Variants in TRIM66 observed in about 807,000 individuals in gnomAD.
TRIM66 encodes tripartite motif-containing protein 66.
A neutral mutation model predicts 148.2 loss-of-function variants in TRIM66; 99 were observed. That is an observed-to-expected ratio of 0.67 (90% CI 0.57 to 0.79). TRIM66 has a LOEUF of 0.79. Ranked by LOEUF, TRIM66 falls within the 30% of genes least tolerant of loss-of-function variation. The pLI is 0.00. For missense variants in TRIM66, 1,666 were observed against 1,697.9 expected, an observed-to-expected ratio of 0.98 and a Z score of 0.33; for synonymous variants, 616 against 635.9, an observed-to-expected ratio of 0.97 and a Z score of 0.47.
intron 1 of TRIM66, among the ~76,000 whole-genome samples, chr11:8,680,283 A>T (rs2039349815): frequency 6.6e-6 from 1 of 152,206 alleles, no homozygotes; most frequent in Non-Finnish European, 1.5e-5. Flanking sequence ...GGTCATAAGG[A>T]GCTACCGAAC....
At chr11:8,668,613 T>A (rs1417705030) in intron 6 of TRIM66, among the ~76,000 whole-genome samples, 3 of 150,306 alleles carry the variant, frequency 2.0e-5, no homozygotes, top group Non-Finnish European at 4.4e-5. Flanking sequence ...TGAGATGGAG[T>A]CTCGCTCTGT....
At chr11:8,678,557 C>T (rs2039285379) in intron 3 of TRIM66, among the ~76,000 whole-genome samples, 1 of 152,146 alleles carries the variant, frequency 6.6e-6, no homozygotes, top group South Asian at 2.1e-4. Flanking sequence ...ATTTTCTTTA[C>T]TGTTGTACTG....
In TRIM66 at chr11:8,616,882, C is replaced by T. The variant is rs943731996; in HGVS notation, c.*1062G>A. The T allele has an allele frequency of 2.0e-5, 3 of 152,176 alleles. No homozygotes were observed. The highest frequency in any genetic ancestry group is 7.2e-5 in the African/African-American group (3 of 41,420). The allele number at this position is 152,176 out of a possible 1,614,324, so 9.4% of individuals were successfully genotyped here. A position where few individuals can be genotyped will look rare whatever the true frequency, so the allele number is the denominator to read the frequency against. ...GCCTGGAGGCGGGCTGGTCAGAAGACTCACTTCTGATCTTTGGCTCATGAA... is the reference window on the plus strand; with the variant it reads ...GCCTGGAGGCGGGCTGGTCAGAAGATTCACTTCTGATCTTTGGCTCATGAA... On this transcript the variant is annotated 3_prime_UTR_variant, in exon 25 of 25. Transcript: ENST00000646038.
chr11:8,624,714 T>A lies in TRIM66; in HGVS notation c.2825A>T (p.Lys942Met), dbSNP rs1481537774. Residue 942 changes from lysine (K) to methionine (M), a missense_variant and splice_region_variant, in exon 16 of 25, where the codon AAG (lysine) becomes ATG (methionine). Coordinates refer to ENST00000646038, the MANE Select transcript of TRIM66 (RefSeq NM_001388022.1). Reference sequence around the variant, plus strand: ...GGATAGCATTTCCCCAGGACTTACCTTACACAGAGCATTCTCCAGGGAGGG... The same window carrying A: ...GGATAGCATTTCCCCAGGACTTACCATACACAGAGCATTCTCCAGGGAGGG... Reference protein sequence around the residue: ...ADPSLENALCKMESEDSTRFT... With the variant: ...ADPSLENALCMMESEDSTRFT... 23 of 1,514,684 alleles carry A rather than the reference T, an allele frequency of 1.5e-5. No individual in the cohort carries two copies. The highest frequency in any genetic ancestry group is 2.0e-5 in the Non-Finnish European group (23 of 1,127,138). The allele number at this position is 1,514,684 out of a possible 1,614,324, so 93.8% of individuals were successfully genotyped here. A position where few individuals can be genotyped will look rare whatever the true frequency, so the allele number is the denominator to read the frequency against.
chr11:8,625,463 T>TTTGTGTGTGTGTGTG (rs1174364345), intron 15 of TRIM66, among the ~76,000 whole-genome samples: 2 of 148,250 alleles, frequency 1.3e-5, no homozygotes, highest in Admixed American at 6.7e-5. Context: ...CGGAGAACTA[T>TTTGTGTGTGTGTGTG]TGTGTGTGTG....
At position 8,625,034 on chromosome 11, in the gene TRIM66, C is replaced by G. The variant is rs1163749784; in HGVS notation, c.2505G>C (p.Gln835His). The G allele has an allele frequency of 6.4e-7, 1 of 1,551,716 alleles. No individual in the cohort carries two copies. The highest frequency in any genetic ancestry group is 2.4e-5 in the East Asian group (1 of 40,916). The part of the protein sequence containing the change: ...MVSSLTSVQN[Q>H]AMPSLTTSHL... Reference sequence around the variant, plus strand: ...GACTGGTTGTCAGGCTGGGCATGGCCTGGTTTTGAACACTTGTCAGGCTGG... The same window carrying G: ...GACTGGTTGTCAGGCTGGGCATGGCGTGGTTTTGAACACTTGTCAGGCTGG... The change falls in exon 16 of 25, where the codon CAG becomes CAC. Residue 835 changes from glutamine to histidine, a missense_variant. Physicochemically the swap from Gln to His is conservative, Grantham distance 24. Coordinates refer to ENST00000646038, the MANE Select transcript of TRIM66 (RefSeq NM_001388022.1).
At position 8,633,612 on chromosome 11, in the gene TRIM66, C is replaced by T. The variant is rs2035615323; in HGVS notation, c.2310+5042G>A. On this transcript the variant is annotated intron_variant, in intron 15 of 24. Coordinates refer to ENST00000646038, the MANE Select transcript of TRIM66 (RefSeq NM_001388022.1). ...GGACGCAGGCTGTGCCTTAAGAAAG[C>T]TTCAGCAGGCCCCGGGAACATTCTG... 1.3e-5 allele frequency among the ~76,000 whole-genome samples: 2 copies of T among 152,138 alleles called. 1 individual carries two copies. Among genetic ancestry groups the T allele is most frequent in the South Asian group, 4.1e-4 (2 of 4,820 alleles).
intron 20 of TRIM66, 47 bp downstream of exon 20, chr11:8,620,985 A>G (rs2034155335): frequency 1.3e-6 from 2 of 1,525,258 alleles, no homozygotes; most frequent in Admixed American, 4.0e-5. Context: ...CATCCCTGGA[A>G]GGTAACCCTA....
intron 4 of TRIM66, among the ~76,000 whole-genome samples, chr11:8,672,619 CTTT>C (rs11293374): frequency 2.6e-4 from 30 of 113,224 alleles, no homozygotes; most frequent in Admixed American, 5.5e-4. Flanking sequence ...ACTCCAGTCT[CTTT>C]TTTTTTTTTT....
intron 1 of TRIM66, chr11:8,680,666 G>C (rs77663712): frequency 0.017 from 2,646 of 152,354 alleles, 35 homozygotes; most frequent in Middle Eastern, 0.061. Flanking sequence ...TTTGTCTGTA[G>C]AATGTCCAAG....
intron 4 of TRIM66, among the ~76,000 whole-genome samples, chr11:8,674,063 G>T (rs2039068125): frequency 6.6e-6 from 1 of 152,238 alleles, no homozygotes; most frequent in Non-Finnish European, 1.5e-5. Flanking sequence ...CATGATTAGA[G>T]ACGAGGACAG....
At chr11:8,649,125 G>A (rs2037123443) in intron 8 of TRIM66, among the ~76,000 whole-genome samples, 1 of 152,248 alleles carries the variant, frequency 6.6e-6, no homozygotes, top group African/African-American at 2.4e-5. Flanking sequence ...GATCACCTGA[G>A]GTCAGGGGTT....
chr11:8,661,681 G>A lies in TRIM66; in HGVS notation c.341-9778C>T, dbSNP rs373424394. On this transcript the variant is annotated intron_variant, in intron 6 of 24. Transcript: ENST00000646038. ...TGGCTCTGCAAGTGACCGATTATGTGGTTTTCAGCAGGATCCTAGCCCTTC... is the reference window on the plus strand; with the variant it reads ...TGGCTCTGCAAGTGACCGATTATGTAGTTTTCAGCAGGATCCTAGCCCTTC... Among the ~76,000 whole-genome samples the A allele has an allele frequency of 2.6e-5, 4 of 152,232 alleles. No individual in the cohort carries two copies. In the East Asian group the frequency reaches 5.8e-4, roughly 22 times the overall value.
At chr11:8,626,305 T>C (rs1284270264) in intron 15 of TRIM66, among the ~76,000 whole-genome samples, 1 of 152,238 alleles carries the variant, frequency 6.6e-6, no homozygotes, top group Non-Finnish European at 1.5e-5. Context: ...CATATCTATC[T>C]AAGTTTCCAA....
At position 8,625,202 on chromosome 11, in the gene TRIM66, G is replaced by C; in HGVS notation, c.2337C>G (p.Gly779=). ...RKHSTSLSIM[G]FSNTLEMELS... is the part of the protein sequence containing the mutation. ...ACTCCATCTCCAGAGTGTTGGAAAA[G>C]CCCATGATGCTCAGCGAGGTGGAGT... is the stretch of plus-strand genomic sequence containing the variant. The change falls in exon 16 of 25, where the codon GGC becomes GGG. Residue 779 remains glycine (G), a synonymous_variant. Transcript: ENST00000646038. The C allele has an allele frequency of 6.6e-7, 1 of 1,515,178 alleles. No homozygotes were observed. Among genetic ancestry groups the C allele is most frequent in the East Asian group, 2.5e-5 (1 of 40,518 alleles). 93.9% of individuals were successfully genotyped at this position (1,515,178 alleles called of 1,614,324 possible). A position where few individuals can be genotyped will look rare whatever the true frequency, so the allele number is the denominator to read the frequency against.
In TRIM66 at chr11:8,640,218, G is replaced by T; in HGVS notation, c.2148+9C>A. 1 of 1,549,804 alleles carries T rather than the reference G, an allele frequency of 6.5e-7. No homozygotes were observed. The highest frequency in any genetic ancestry group is 1.2e-5 in the South Asian group (1 of 83,964). ...CAGAATATGCACGCCAAGCCACCCT[G>T]ACGCTTACCTGCAGGGTCTCCTCCT... On this transcript the variant is annotated intron_variant, in intron 14 of 24. Coordinates refer to ENST00000646038, the MANE Select transcript of TRIM66 (RefSeq NM_001388022.1).
chr11:8,622,585 C>T (rs947797897), intron 18 of TRIM66, among the ~76,000 whole-genome samples: 3 of 151,266 alleles, frequency 2.0e-5, no homozygotes, highest in African/African-American at 4.9e-5. Context: ...AAGACAGGAG[C>T]TCCCTGAAGT....
intron 15 of TRIM66, among the ~76,000 whole-genome samples, chr11:8,627,680 C>G (rs761714482): frequency 2.0e-5 from 3 of 152,128 alleles, no homozygotes; most frequent in Non-Finnish European, 2.9e-5. Context: ...TTGTAGATTT[C>G]CATTTCTCTT....
intron 6 of TRIM66, among the ~76,000 whole-genome samples, chr11:8,661,155 T>C (rs1358858250): frequency 2.0e-5 from 3 of 152,090 alleles, no homozygotes; most frequent in South Asian, 2.1e-4. Context: ...TAGGAAAGAA[T>C]AGGGAATAAA....
Sources: gnomAD v4.1 joint callset for allele counts (sites outside exome capture counted in the v4.1 genomes callset) on GRCh38, gnomAD v4.1.1 for gene constraint, MANE v1.5 for transcripts, NCBI Gene and HGNC (gene_info 2026-07-23, HGNC 2026-07-21) for gene names.